Variants in ERI2 observed in about 807,000 individuals in gnomAD.
ERI2 encodes the protein ERI1 exoribonuclease family member 2.
A neutral mutation model predicts 46.8 loss-of-function variants in ERI2; 35 were observed. The ratio of observed to expected loss-of-function variants is 0.75; its 90% CI spans 0.57 to 0.99. The LOEUF (loss-of-function observed/expected upper bound fraction) is 0.99. Among genes scored for constraint, ERI2 ranks in the 50% least tolerant of loss-of-function variants. The pLI, the probability that ERI2 is intolerant of heterozygous loss-of-function variation, is 0.00. For synonymous variants in ERI2, 224 were observed against 271.0 expected, an observed-to-expected ratio of 0.83 and a Z score of 1.70; for missense variants, 695 against 796.2, an observed-to-expected ratio of 0.87 and a Z score of 1.53.
rs1319460158 is a variant in ERI2 at position 20,797,716 on chromosome 16, A to G, written c.*8T>C. The G allele has an allele frequency of 1.3e-6, 2 of 1,532,236 alleles. No individual in the cohort carries two copies. Among genetic ancestry groups the G allele is most frequent in the East Asian group, 4.9e-5 (2 of 40,762 alleles). 94.9% of individuals were successfully genotyped at this position (1,532,236 alleles called of 1,614,324 possible). On this transcript the variant is annotated 3_prime_UTR_variant, in exon 9 of 9. Transcript: ENST00000357967. ...AAGGAACAATTAGGATTCATACATG[A>G]AAGGTTATCAATTCCTCATTGAAGG... is the stretch of plus-strand genomic sequence containing the variant.
At position 20,799,086 on chromosome 16, in the gene ERI2, A is replaced by C. The variant is rs557675770; in HGVS notation, c.733-19T>G. Reference sequence around the variant, plus strand: ...TGGGAACCTATGATTCCACAGACAAATGCAACAGCTTTAGAAACTGTGCAT... The same window carrying C: ...TGGGAACCTATGATTCCACAGACAACTGCAACAGCTTTAGAAACTGTGCAT... On this transcript the variant is annotated intron_variant, in intron 8 of 8. Transcript: ENST00000357967. 3 of 1,489,440 alleles carry C rather than the reference A, an allele frequency of 2.0e-6. No individual in the cohort carries two copies. Among genetic ancestry groups the C allele is most frequent in the South Asian group, 1.4e-5 (1 of 71,822 alleles). The allele number at this position is 1,489,440 out of a possible 1,614,324, so 92.3% of individuals were successfully genotyped here.
chr16:20,789,490 A>G (rs1204067535), exon 10 of ERI2: 2 of 1,612,562 alleles, frequency 1.2e-6, no homozygotes, highest in East Asian at 2.2e-5. Context: ...ATTGTCAACC[A>G]GAGAATATTC....
chr16:20,787,925 C>A (rs958278092), intron 10 of ERI2, among the ~76,000 whole-genome samples: 2 of 152,190 alleles, frequency 1.3e-5, no homozygotes, highest in African/African-American at 4.8e-5. Context: ...CCCCTCACCA[C>A]TTCAGTCTCA....
In ERI2 at chr16:20,796,775, A is replaced by T; in HGVS notation, c.*949T>A. On this transcript the variant is annotated 3_prime_UTR_variant, in exon 9 of 9. Coordinates refer to ENST00000357967, the MANE Select transcript of ERI2 (RefSeq NM_001142725.2). ...TTGGCTGTTACCCAAAACCCATTCC[A>T]AAGACTATTCTAATTCTTCCACCTA... is the stretch of plus-strand genomic sequence containing the variant. 1 of 1,541,502 alleles carries T rather than the reference A, an allele frequency of 6.5e-7. No individual in the cohort carries two copies.
intron 10 of ERI2, chr16:20,785,235 A>G: frequency 2.3e-6 from 3 of 1,320,430 alleles, no homozygotes; most frequent in Non-Finnish European, 3.1e-6. Context: ...TGTTTAAAAA[A>G]ACAATGCTTG....
At position 20,801,230 on chromosome 16, in the gene ERI2, T is replaced by C. The variant is rs770800204; in HGVS notation, c.433A>G (p.Lys145Glu). Reference sequence around the variant, plus strand: ...GACCAAGTAACAAATGCACATAATTTTACTTCAGAAGCAGAAGGCTCTGAA... The same window carrying C: ...GACCAAGTAACAAATGCACATAATTCTACTTCAGAAGCAGAAGGCTCTGAA... ...GISEPSASEV[K>E]LCAFVTWSDW... Residue 145 changes from lysine to glutamate, a missense_variant, in exon 5 of 9, where the codon AAA (lysine) becomes GAA (glutamate). Lys to Glu is a moderately conservative substitution (Grantham distance 56). Transcript: ENST00000357967. 4 of 1,611,640 alleles carry C rather than the reference T, an allele frequency of 2.5e-6. No individual in the cohort carries two copies. In the East Asian group the frequency reaches 6.7e-5, roughly 27 times the overall value.
Position 20,797,918 on chromosome 16 carries a change from G to T in ERI2, c.1882C>A (p.Gln628Lys), listed in dbSNP as rs61746707. Reference sequence around the variant, plus strand: ...TAACCACAACATTTTCTGTTTTCTTGGTATTTCCCGATAGGGCAACAATAG... The same window carrying T: ...TAACCACAACATTTTCTGTTTTCTTTGTATTTCCCGATAGGGCAACAATAG... ...VFYCCPIGKY[Q>K]ENRKCCGYFK... The change falls in exon 9 of 9, where the codon CAA (glutamine) becomes AAA (lysine). Residue 628 changes from glutamine to lysine, a missense_variant. Physicochemically the swap from Gln to Lys is moderately conservative, Grantham distance 53. Transcript: ENST00000357967. 2.2e-3 allele frequency: 3,395 copies of T among 1,551,610 alleles called. 60 individuals carry two copies. In the African/African-American group the frequency reaches 0.04, roughly 18 times the overall value.
chr16:20,791,639 A>G (rs115467262), downstream of ERI2, among the ~76,000 whole-genome samples: 1,011 of 152,304 alleles, frequency 6.6e-3, 17 homozygotes, highest in African/African-American at 0.023. Context: ...TAAAAATCCA[A>G]TTGAGGGCCA....
Position 20,796,650 on chromosome 16 carries a change from T to C in ERI2, c.*1074A>G. ...AGAATCAGAATCTTTGAGATTAAAA[T>C]GAAACCCTGAACCTATTTTGTTTGG... On this transcript the variant is annotated 3_prime_UTR_variant, in exon 9 of 9. Coordinates refer to ENST00000357967, the MANE Select transcript of ERI2 (RefSeq NM_001142725.2). 6 of 1,483,316 alleles carry C rather than the reference T, an allele frequency of 4.0e-6. No homozygotes were observed. Among genetic ancestry groups the C allele is most frequent in the Non-Finnish European group, 5.3e-6 (6 of 1,124,434 alleles). The allele number at this position is 1,483,316 out of a possible 1,614,324, so 91.9% of individuals were successfully genotyped here.
In ERI2 at chr16:20,799,258, C is replaced by A. The variant is rs201460087; in HGVS notation, c.732+5G>T. 6.2e-7 allele frequency: 1 copy of A among 1,613,338 alleles called. No homozygotes were observed. Among genetic ancestry groups the A allele is most frequent in the South Asian group, 1.1e-5 (1 of 90,960 alleles). On this transcript the variant is annotated splice_donor_5th_base_variant and intron_variant, in intron 8 of 8. Transcript: ENST00000357967. ...GACAGAATAAAAAGGCAAGACACTACTAACCTTGTTCAACGACCTTGTAAT... is the reference window on the plus strand; with the variant it reads ...GACAGAATAAAAAGGCAAGACACTAATAACCTTGTTCAACGACCTTGTAAT...
At chr16:20,792,593 G>T, downstream of ERI2, 1 of 985,412 alleles carries the variant, frequency 1.0e-6, no homozygotes, top group Non-Finnish European at 1.2e-6. Flanking sequence ...GGTGGACTAG[G>T]GCAAAGATGG....
chr16:20,806,164 C>G, intron 1 of ERI2: 12 of 1,392,880 alleles, frequency 8.6e-6, no homozygotes, highest in Non-Finnish European at 1.1e-5. Flanking sequence ...GCCACACAGT[C>G]AAGGCCCCAG....
intron 2 of ERI2, 24 bp from the exon 3 acceptor site, chr16:20,803,540 A>C (rs1365861290): frequency 6.2e-7 from 1 of 1,613,884 alleles, no homozygotes; most frequent in East Asian, 2.2e-5. Context: ...AGTTGTTCTT[A>C]TGCTTTACCA....
intron 10 of ERI2, among the ~76,000 whole-genome samples, chr16:20,789,146 T>A (rs2080538461): frequency 6.6e-6 from 1 of 152,198 alleles, no homozygotes. Context: ...CTGATTTTTT[T>A]AATTGGATTA....
chr16:20,799,561 C>CATTT, intron 7 of ERI2: 1 of 561,638 alleles, frequency 1.8e-6, no homozygotes, highest in Non-Finnish European at 3.1e-6. Flanking sequence ...AGCTCGTCCA[C>CATTT]ATTTATAGAG....
In ERI2 at chr16:20,798,718, T is replaced by C; in HGVS notation, c.1082A>G (p.His361Arg). The change falls in exon 9 of 9, where the codon CAT becomes CGT. Residue 361 changes from histidine (H) to arginine (R), a missense_variant. His to Arg is a conservative substitution (Grantham distance 29). Transcript: ENST00000357967. ...CTTAGATTTGGTATTAAATGCAAGATGTTCATTTTTTCCTTGCTTTTGCAT... is the reference window on the plus strand; with the variant it reads ...CTTAGATTTGGTATTAAATGCAAGACGTTCATTTTTTCCTTGCTTTTGCAT... ...IYMQKQGKNE[H>R]LAFNTKSKAS... is the part of the protein sequence containing the mutation. 6.4e-7 allele frequency: 1 copy of C among 1,551,646 alleles called. No homozygotes were observed.
At chr16:20,804,036 T>G (rs1324178402) in intron 1 of ERI2, among the ~76,000 whole-genome samples, 2 of 151,548 alleles carry the variant, frequency 1.3e-5, no homozygotes. Context: ...TTTTTTTTTT[T>G]GAAGGCAGGG....
Position 20,803,528 on chromosome 16 carries a change from C to T in ERI2, c.92-12G>A, listed in dbSNP as rs377762724. ...GTCAAACAACTGCTCTGCAAAAGAT[C>T]AAGTTGTTCTTATGCTTTACCAGTG... On this transcript the variant is annotated splice_polypyrimidine_tract_variant and intron_variant, in intron 2 of 8. Coordinates refer to ENST00000357967, the MANE Select transcript of ERI2 (RefSeq NM_001142725.2). 1.1e-5 allele frequency: 18 copies of T among 1,613,626 alleles called. No homozygotes were observed. Among genetic ancestry groups the T allele is most frequent in the African/African-American group, 4.0e-5 (3 of 74,926 alleles).
At chr16:20,795,860 G>A (rs1567367464), downstream of ERI2, among the ~76,000 whole-genome samples, 1 of 152,196 alleles carries the variant, frequency 6.6e-6, no homozygotes, top group Non-Finnish European at 1.5e-5. Context: ...CCAAAAACTA[G>A]GCAGAGTTTT....
Sources: gnomAD v4.1 joint callset for allele counts (sites outside exome capture counted in the v4.1 genomes callset) on GRCh38, gnomAD v4.1.1 for gene constraint, MANE v1.5 for transcripts, NCBI Gene and HGNC (gene_info 2026-07-23, HGNC 2026-07-21) for gene names.